LTBP1: variants seen among roughly 807,000 people sequenced by gnomAD.
LTBP1 encodes the protein latent transforming growth factor beta binding protein 1.
LTBP1 carries 129 observed loss-of-function variants against 207.6 expected under a neutral mutation model. The ratio of observed to expected loss-of-function variants is 0.62; its 90% CI spans 0.54 to 0.72. The LOEUF is 0.72. Among genes scored for constraint, LTBP1 ranks in the 30% least tolerant of loss-of-function variants. LTBP1 has a pLI of 0.00. For missense variants in LTBP1, 2,281 were observed against 2,217.2 expected, an observed-to-expected ratio of 1.03 and a Z score of -0.58; for synonymous variants, 963 against 833.7, an observed-to-expected ratio of 1.16 and a Z score of -2.67.
At chr2:33,032,342 A>G (rs1185715171) in intron 3 of LTBP1, among the ~76,000 whole-genome samples, 5 of 152,288 alleles carry the variant, frequency 3.3e-5, no homozygotes, top group South Asian at 2.1e-4. Flanking sequence ...TCCTGTTTCA[A>G]ATGTTCAAGA....
intron 3 of LTBP1, among the ~76,000 whole-genome samples, chr2:33,082,028 G>C (rs1319623900): frequency 1.3e-5 from 2 of 152,084 alleles, no homozygotes; most frequent in Non-Finnish European, 2.9e-5. Context: ...GTCTGTATTA[G>C]CAGCATGAGA....
intron 4 of LTBP1, among the ~76,000 whole-genome samples, chr2:33,120,879 A>G (rs2081067634): frequency 6.6e-6 from 1 of 152,324 alleles, no homozygotes; most frequent in Non-Finnish European, 1.5e-5. Flanking sequence ...TAAGCAAAGT[A>G]CTATGCTATT....
chr2:33,240,046 A>G (rs1166637185), intron 9 of LTBP1, among the ~76,000 whole-genome samples: 3 of 152,244 alleles, frequency 2.0e-5, no homozygotes, highest in Non-Finnish European at 4.4e-5. Flanking sequence ...GATTAAAGAA[A>G]GAAGATAGCT....
intron 3 of LTBP1, among the ~76,000 whole-genome samples, chr2:33,084,163 A>T (rs2078613375): frequency 6.6e-6 from 1 of 152,230 alleles, no homozygotes; most frequent in African/African-American, 2.4e-5. Context: ...TGTGGGATAA[A>T]AAAAACACGG....
At chr2:33,013,852 T>G (rs892116508) in intron 2 of LTBP1, among the ~76,000 whole-genome samples, 6 of 151,898 alleles carry the variant, frequency 4.0e-5, no homozygotes, top group Non-Finnish European at 4.4e-5. Flanking sequence ...AGCTGGGAAT[T>G]CTGGGGCTGT....
At chr2:33,175,537 A>C (rs1378215242) in intron 5 of LTBP1, among the ~76,000 whole-genome samples, 2 of 152,176 alleles carry the variant, frequency 1.3e-5, no homozygotes, top group African/African-American at 2.4e-5. Context: ...GAAACAGGAA[A>C]GCTTTTACAC....
intron 3 of LTBP1, among the ~76,000 whole-genome samples, chr2:33,062,226 T>TAC (rs57376478): frequency 2.2e-4 from 33 of 151,124 alleles, no homozygotes; most frequent in African/African-American, 7.8e-4. Context: ...CTCTGTCTCA[T>TAC]ACACACACAC....
chr2:33,020,937 A>G lies in LTBP1; in HGVS notation c.594A>G (p.Gly198=), dbSNP rs1163558714. The G allele has an allele frequency of 1.3e-6, 2 of 1,594,452 alleles. No homozygotes were observed. Among genetic ancestry groups the G allele is most frequent in the Non-Finnish European group, 8.6e-7 (1 of 1,165,438 alleles). Residue 198 remains glycine, a synonymous_variant, in exon 3 of 34, where the codon GGA becomes GGG. Transcript: ENST00000404816. The part of the protein sequence containing the change: ...KPSCVPPCQN[G]GMCLRPQLCV... Reference sequence around the variant, plus strand: ...GCTGTGTTCCGCCATGTCAGAATGGAGGGATGTGTCTCCGGCCACAACTCT... The same window carrying G: ...GCTGTGTTCCGCCATGTCAGAATGGGGGGATGTGTCTCCGGCCACAACTCT...
At position 33,263,181 on chromosome 2, in the gene LTBP1, C is replaced by T. The variant is rs1381047815; in HGVS notation, c.2519-113C>T. 5.7e-6 allele frequency: 4 copies of T among 701,488 alleles called. No homozygotes were observed. In the East Asian group the frequency reaches 7.4e-5, roughly 13 times the overall value. 43.5% of individuals were successfully genotyped at this position (701,488 alleles called of 1,614,324 possible). A position where few individuals can be genotyped will look rare whatever the true frequency, so the allele number is the denominator to read the frequency against. On this transcript the variant is annotated intron_variant, in intron 14 of 33. Coordinates refer to ENST00000404816, the MANE Select transcript of LTBP1 (RefSeq NM_206943.4). Reference sequence around the variant, plus strand: ...TGGGACATAGAACAGTTCTTTATATCTGACAAATGCTGTGATATATTGCTA... The same window carrying T: ...TGGGACATAGAACAGTTCTTTATATTTGACAAATGCTGTGATATATTGCTA...
At chr2:33,252,937 C>A in intron 11 of LTBP1, 93 bp downstream of exon 11, 2 of 1,085,462 alleles carry the variant, frequency 1.8e-6, no homozygotes, top group Non-Finnish European at 2.5e-6. Context: ...TGGTTTCTGA[C>A]TTTAATTTTT....
At chr2:33,181,912 T>G (rs2086679118) in intron 5 of LTBP1, among the ~76,000 whole-genome samples, 1 of 152,174 alleles carries the variant, frequency 6.6e-6, no homozygotes, top group South Asian at 2.1e-4. Context: ...CATAGTTGAA[T>G]CCTAAAGTTT....
At chr2:33,016,157 C>A (rs1237454987) in intron 2 of LTBP1, among the ~76,000 whole-genome samples, 1 of 152,084 alleles carries the variant, frequency 6.6e-6, no homozygotes, top group Non-Finnish European at 1.5e-5. Context: ...ATTGAGGGGC[C>A]TGTGCTCCTG....
Position 33,169,611 on chromosome 2 carries a change from A to G in LTBP1, c.1202-17245A>G, listed in dbSNP as rs138074891. On this transcript the variant is annotated intron_variant, in intron 5 of 33. Transcript: ENST00000404816. The stretch of plus-strand genomic sequence containing the variant: ...TTTTTAAGAATTGAAACCATAGAAC[A>G]TATAATAGAGAATAGCACTTATAAA... Among the ~76,000 whole-genome samples the G allele has an allele frequency of 7.6e-3, 1,163 of 152,340 alleles. 18 individuals are homozygous for G. Among genetic ancestry groups the G allele is most frequent in the African/African-American group, 0.026 (1,083 of 41,586 alleles).
intron 3 of LTBP1, among the ~76,000 whole-genome samples, chr2:33,060,555 A>T (rs544881398): frequency 1.0e-4 from 14 of 138,754 alleles, no homozygotes; most frequent in South Asian, 9.4e-4. Flanking sequence ...TTTGGGGGGG[A>T]TGTGTGTGTA....
intron 5 of LTBP1, among the ~76,000 whole-genome samples, chr2:33,139,071 G>A (rs1409783377): frequency 6.6e-6 from 1 of 151,482 alleles, no homozygotes; most frequent in Non-Finnish European, 1.5e-5. Context: ...TGTTAGCCAG[G>A]ATGGTCTCCA....
chr2:33,172,272 A>G (rs1399465476), intron 5 of LTBP1, among the ~76,000 whole-genome samples: 1 of 152,220 alleles, frequency 6.6e-6, no homozygotes, highest in African/African-American at 2.4e-5. Flanking sequence ...TCACGTGCAG[A>G]GACACACATA....
chr2:33,005,594 C>CT (rs57363701), intron 2 of LTBP1, among the ~76,000 whole-genome samples: 2,823 of 132,876 alleles, frequency 0.021, 75 homozygotes, highest in African/African-American at 0.053. Flanking sequence ...TAAGCTCTAC[C>CT]TTTTTTTTTT....
chr2:32,980,746 C>T lies in LTBP1; in HGVS notation c.565+31801C>T, dbSNP rs1432459959. Among the ~76,000 whole-genome samples, 4 of 152,144 alleles carry T rather than the reference C, an allele frequency of 2.6e-5. No individual in the cohort carries two copies. In the East Asian group the frequency reaches 7.7e-4, roughly 29 times the overall value. On this transcript the variant is annotated intron_variant, in intron 2 of 33. Transcript: ENST00000404816. ...TTCAGATTGAAGGACTCCGTTTTAG[C>T]ACTTCTTACAGGACCAGTCTGGTGT... is the stretch of plus-strand genomic sequence containing the variant.
At chr2:33,034,352 A>C (rs1183626002) in intron 3 of LTBP1, among the ~76,000 whole-genome samples, 1 of 152,220 alleles carries the variant, frequency 6.6e-6, no homozygotes, top group Non-Finnish European at 1.5e-5. Flanking sequence ...TAATATAATT[A>C]AGGTATTTAA....
Sources: gnomAD v4.1 joint callset for allele counts (sites outside exome capture counted in the v4.1 genomes callset) on GRCh38, gnomAD v4.1.1 for gene constraint, MANE v1.5 for transcripts, NCBI Gene and HGNC (gene_info 2026-07-23, HGNC 2026-07-21) for gene names.